The following PPWD1 variants were observed in gnomAD, a reference collection of about 807,000 sequenced individuals.
PPWD1 encodes peptidylprolyl isomerase domain and WD repeat-containing protein 1.
In PPWD1, 43 loss-of-function variants were observed where a neutral mutation model predicts 68.8. The ratio of observed to expected loss-of-function variants is 0.62; its 90% confidence interval spans 0.49 to 0.81. The LOEUF (loss-of-function observed/expected upper bound fraction) is 0.81, where lower values mean the gene tolerates loss of function less well. Ranked by LOEUF, PPWD1 falls within the 30% of genes least tolerant of loss-of-function variation. The pLI, the probability that PPWD1 is intolerant of heterozygous loss-of-function variation, is 0.00. For missense variants in PPWD1, 672 were observed against 804.8 expected, an observed-to-expected ratio of 0.83 and a Z score of 2.00; for synonymous variants, 232 against 258.7, an observed-to-expected ratio of 0.90 and a Z score of 0.99.
chr5:65,567,658 A>T lies in PPWD1; in HGVS notation c.299+43A>T, dbSNP rs532676844. On this transcript the variant is annotated intron_variant, in intron 2 of 10. Coordinates refer to ENST00000261308, the MANE Select transcript of PPWD1 (RefSeq NM_015342.4). ...TTTTTACTTTGTTCTGAGTTTATTT[A>T]AAAAAAAAAAAAGCTTCAATTTTGA... is the stretch of plus-strand genomic sequence containing the variant. The T allele has an allele frequency of 3.4e-4, 121 of 353,988 alleles. No individual in the cohort carries two copies. The African/African-American group carries it at 6.5e-3, about 19-fold the overall frequency. 21.9% of individuals were successfully genotyped at this position (353,988 alleles called of 1,614,324 possible). A position where few individuals can be genotyped will look rare whatever the true frequency, so the allele number is the denominator to read the frequency against.
rs1399104519 is a variant in PPWD1 at position 65,579,572 on chromosome 5, A to G, written c.1309A>G (p.Thr437Ala). ...PVLQNIQADP[T>A]IVCTSFKKNR... is the part of the protein sequence containing the mutation. ...TCTTCAGAATATTCAAGCTGACCCAACAATAGTCTGTACATCATTCAAAAA... is the reference window on the plus strand; with the variant it reads ...TCTTCAGAATATTCAAGCTGACCCAGCAATAGTCTGTACATCATTCAAAAA... The change falls in exon 7 of 11, where the codon ACA becomes GCA. Residue 437 changes from threonine (T) to alanine (A), a missense_variant. By Grantham distance (58) the Thr-to-Ala change is moderately conservative. This residue lies in a region of PPWD1 where 484 missense variants were observed against 646.2 expected (regional missense o/e 0.75). Transcript: ENST00000261308. 3.7e-6 allele frequency: 6 copies of G among 1,603,756 alleles called. No individual in the cohort carries two copies. The highest frequency in any genetic ancestry group is 5.1e-6 in the Non-Finnish European group (6 of 1,176,482).
chr5:65,581,184 A>T, intron 7 of PPWD1, among the ~76,000 whole-genome samples: 1 of 152,218 alleles, frequency 6.6e-6, no homozygotes, highest in African/African-American at 2.4e-5. Flanking sequence ...TGAGAATTTC[A>T]TTTACACCTT....
intron 5 of PPWD1, among the ~76,000 whole-genome samples, chr5:65,575,450 AAC>A (rs1753237959): frequency 6.6e-6 from 1 of 152,226 alleles, no homozygotes; most frequent in South Asian, 2.1e-4. Context: ...CTTATACCCT[AAC>A]ACACATACCT....
Position 65,583,203 on chromosome 5 carries a change from A to G in PPWD1, c.1516A>G (p.Lys506Glu). The change falls in exon 8 of 11, where the codon AAA becomes GAA. Residue 506 changes from lysine to glutamate, a missense_variant. Coordinates refer to ENST00000261308, the MANE Select transcript of PPWD1 (RefSeq NM_015342.4). ...CACCAGCATGGGAGACATTCACACC[A>G]AACTTTTTCCTGTTGAGTATGTATA... ...IHTSMGDIHT[K>E]LFPVECPKTV... is the part of the protein sequence containing the mutation. 1.3e-6 allele frequency: 2 copies of G among 1,589,092 alleles called. No homozygotes were observed. Among genetic ancestry groups the G allele is most frequent in the South Asian group, 2.3e-5 (2 of 86,294 alleles).
intron 8 of PPWD1, among the ~76,000 whole-genome samples, chr5:65,583,677 A>G (rs1308388651): frequency 3.3e-5 from 5 of 152,236 alleles, no homozygotes; most frequent in Admixed American, 2.6e-4. Context: ...AGCTGGGTGC[A>G]GTGGCACGCA....
chr5:65,579,765 T>G, intron 7 of PPWD1, 152 bp downstream of exon 7: 1 of 526,960 alleles, frequency 1.9e-6, no homozygotes, highest in Non-Finnish European at 3.0e-6. Context: ...ATTGTAGAAT[T>G]TTAAAGTAGA....
At chr5:65,569,490 A>T in intron 2 of PPWD1, 142 bp from the exon 3 acceptor site, 2 of 940,406 alleles carry the variant, frequency 2.1e-6, no homozygotes, top group Non-Finnish European at 2.9e-6. Flanking sequence ...TCTGTAATAT[A>T]GTGGTCTGCT....
intron 5 of PPWD1, 22 bp downstream of exon 5, chr5:65,572,308 C>T (rs1243136201): frequency 3.2e-6 from 5 of 1,546,890 alleles, no homozygotes; most frequent in Non-Finnish European, 4.4e-6. Flanking sequence ...TTAAATTTAA[C>T]CGTACTTTAC....
chr5:65,571,454 A>G (rs1044667784), intron 4 of PPWD1, among the ~76,000 whole-genome samples: 2 of 152,230 alleles, frequency 1.3e-5, no homozygotes, highest in African/African-American at 2.4e-5. Context: ...AAAATACACT[A>G]TTACATGCTA....
At chr5:65,569,212 T>TA (rs1054511750) in intron 2 of PPWD1, among the ~76,000 whole-genome samples, 13 of 151,922 alleles carry the variant, frequency 8.6e-5, no homozygotes, top group African/African-American at 3.1e-4. Context: ...GTATAGGATA[T>TA]AAAAAAAACT....
chr5:65,587,292 A>G lies in PPWD1; in HGVS notation c.1837A>G (p.Thr613Ala). Reference sequence around the variant, plus strand: ...TAAGCATACAGTATTTGGACGAGTGACTAAAGGAATGGAAGTTGTACAGAG... The same window carrying G: ...TAAGCATACAGTATTTGGACGAGTGGCTAAAGGAATGGAAGTTGTACAGAG... ...DNKHTVFGRV[T>A]KGMEVVQRIS... The change falls in exon 11 of 11, where the codon ACT becomes GCT. Residue 613 changes from threonine (T) to alanine (A), a missense_variant. By Grantham distance (58) the Thr-to-Ala change is moderately conservative. This residue lies in a region of PPWD1 where 484 missense variants were observed against 646.2 expected (regional missense o/e 0.75). Transcript: ENST00000261308. 6.2e-7 allele frequency: 1 copy of G among 1,612,260 alleles called. No homozygotes were observed.
chr5:65,575,678 A>T (rs552339462), intron 5 of PPWD1, among the ~76,000 whole-genome samples: 1 of 152,172 alleles, frequency 6.6e-6, no homozygotes, highest in Non-Finnish European at 1.5e-5. Context: ...AAGGTTCATA[A>T]TATGTTAATA....
intron 2 of PPWD1, chr5:65,567,898 A>G (rs1301287074): frequency 2.7e-5 from 8 of 299,226 alleles, no homozygotes; most frequent in Middle Eastern, 1.3e-3. Flanking sequence ...ACATTAGTTA[A>G]GATATGAGTA....
At position 65,587,326 on chromosome 5, in the gene PPWD1, A is replaced by C. The variant is rs1419937309; in HGVS notation, c.1871A>C (p.Asn624Thr). 1 of 1,612,876 alleles carries C rather than the reference A, an allele frequency of 6.2e-7. No individual in the cohort carries two copies. Among genetic ancestry groups the C allele is most frequent in the Non-Finnish European group, 8.5e-7 (1 of 1,179,152 alleles). Reference sequence around the variant, plus strand: ...ATGGAAGTTGTACAGAGGATCTCCAACGTCAAAGTCAATCCCAAAACAGAT... The same window carrying C: ...ATGGAAGTTGTACAGAGGATCTCCACCGTCAAAGTCAATCCCAAAACAGAT... ...KGMEVVQRISNVKVNPKTDKP... is the reference protein window; with the variant it reads ...KGMEVVQRISTVKVNPKTDKP... The change falls in exon 11 of 11, where the codon AAC (asparagine) becomes ACC (threonine). Residue 624 changes from asparagine to threonine, a missense_variant. Physicochemically the swap from Asn to Thr is moderately conservative, Grantham distance 65. Around this residue, in one of 2 missense-constraint regions of PPWD1, gnomAD observed 484 missense variants for 646.2 expected, o/e 0.75. Transcript: ENST00000261308.
At chr5:65,583,554 C>T (rs1351622025) in intron 8 of PPWD1, among the ~76,000 whole-genome samples, 1 of 152,140 alleles carries the variant, frequency 6.6e-6, no homozygotes, top group East Asian at 1.9e-4. Context: ...CTTTGCTTTC[C>T]TCTCAAAGCA....
chr5:65,564,537 T>G (rs1752605399), intron 1 of PPWD1, among the ~76,000 whole-genome samples: 1 of 152,126 alleles, frequency 6.6e-6, no homozygotes, highest in Non-Finnish European at 1.5e-5. Context: ...GCCAGGATGG[T>G]CTTGATTTCT....
chr5:65,576,373 ATT>A (rs1188571148), intron 5 of PPWD1: 10,646 of 835,770 alleles, frequency 0.013, 35 homozygotes, highest in African/African-American at 0.054. Flanking sequence ...TTGAAATACA[ATT>A]TTTTTTTTTT....
intron 7 of PPWD1, among the ~76,000 whole-genome samples, chr5:65,580,102 G>A (rs540852132): frequency 6.6e-5 from 10 of 151,636 alleles, no homozygotes; most frequent in Non-Finnish European, 1.2e-4. Flanking sequence ...AGAACTAAAA[G>A]TACTTTGCAT....
chr5:65,581,911 T>G (rs1202961660), intron 7 of PPWD1, among the ~76,000 whole-genome samples: 2 of 152,214 alleles, frequency 1.3e-5, no homozygotes, highest in African/African-American at 2.4e-5. Flanking sequence ...AGTATAATTT[T>G]ACAAATCCAT....
Sources: allele counts gnomAD v4.1 joint callset (sites outside exome capture counted in the v4.1 genomes callset), GRCh38; gene constraint gnomAD v4.1.1; regional missense constraint gnomAD v4.1.1; transcripts MANE v1.5; gene names NCBI Gene and HGNC (gene_info 2026-07-23, HGNC 2026-07-21).